Variants in KIF27 observed in about 807,000 individuals in gnomAD.
KIF27 encodes the protein kinesin-like protein KIF27.
In KIF27, 84 loss-of-function variants were observed where a neutral mutation model predicts 141.8. The observed-to-expected ratio is 0.59, with a 90% CI of 0.50 to 0.71. KIF27 has a LOEUF of 0.71. KIF27 is among the 30% of genes least tolerant of loss of function. The pLI, the probability that KIF27 is intolerant of heterozygous loss-of-function variation, is 0.00. For missense variants in KIF27, 1,306 were observed against 1,628.4 expected (o/e 0.80, Z 3.41); for synonymous variants, 471 against 569.5 (o/e 0.83, Z 2.46).
At chr9:83,870,377 G>C (rs1950673883) in intron 12 of KIF27, 142 bp downstream of exon 12, 1 of 1,170,336 alleles carries the variant, frequency 8.5e-7, no homozygotes, top group Admixed American at 2.6e-5. Flanking sequence ...ATGTTGACCA[G>C]GCTGGTCTTG....
At chr9:83,914,458 A>T (rs1955498999) in intron 2 of KIF27, among the ~76,000 whole-genome samples, 2 of 152,120 alleles carry the variant, frequency 1.3e-5, no homozygotes, top group Non-Finnish European at 2.9e-5. Flanking sequence ...CCATGCATTT[A>T]ATGAGAGAAG....
At chr9:83,884,079 A>G (rs1951893684) in intron 9 of KIF27, 61 bp from the exon 10 acceptor site, 1 of 1,217,328 alleles carries the variant, frequency 8.2e-7, no homozygotes, top group Non-Finnish European at 1.1e-6. Context: ...AAACATCCAA[A>G]ACATAAAAAT....
chr9:83,896,104 A>C (rs553855375), intron 5 of KIF27, among the ~76,000 whole-genome samples: 1 of 150,658 alleles, frequency 6.6e-6, no homozygotes, highest in Non-Finnish European at 1.5e-5. Context: ...ATAGCCAGGC[A>C]TGGCAGCGGG....
intron 16 of KIF27, 122 bp from the exon 17 acceptor site, chr9:83,842,523 C>T (rs927357182): frequency 8.7e-6 from 11 of 1,257,524 alleles, no homozygotes; most frequent in African/African-American, 6.3e-5. Flanking sequence ...AGTGCAGTGG[C>T]GTGATATGCT....
At chr9:83,868,566 G>A (rs1306490863) in intron 12 of KIF27, 6 of 152,018 alleles carry the variant, frequency 3.9e-5, no homozygotes, top group East Asian at 1.9e-4. Context: ...AAGGATATGC[G>A]GAAACAAATA....
intron 12 of KIF27, among the ~76,000 whole-genome samples, chr9:83,868,870 T>C (rs1485990493): frequency 3.3e-5 from 5 of 152,198 alleles, no homozygotes; most frequent in Non-Finnish European, 7.4e-5. Flanking sequence ...AGCACTATCA[T>C]GTCCAGATAA....
rs572412840 is a variant in KIF27 at position 83,834,645 on chromosome 9, G to A, written c.*2356C>T. ...CCAGTATCAGAATACATTCTTAAAT[G>A]AATTATTCCTAAATAACGCATAGCA... On this transcript the variant is annotated 3_prime_UTR_variant, in exon 18 of 18. Transcript: ENST00000297814. 3.3e-4 allele frequency among the ~76,000 whole-genome samples: 50 copies of A among 151,632 alleles called. No individual in the cohort carries two copies. Among genetic ancestry groups the A allele is most frequent in the Non-Finnish European group, 4.7e-4 (32 of 67,832 alleles).
chr9:83,885,444 T>C (rs1952016372), intron 9 of KIF27, among the ~76,000 whole-genome samples: 1 of 151,516 alleles, frequency 6.6e-6, no homozygotes, highest in Non-Finnish European at 1.5e-5. Flanking sequence ...ATACTCATCA[T>C]TTTTTTATAA....
At chr9:83,881,532 C>T (rs987739135) in intron 10 of KIF27, among the ~76,000 whole-genome samples, 2 of 152,172 alleles carry the variant, frequency 1.3e-5, no homozygotes, top group African/African-American at 4.8e-5. Flanking sequence ...ACATTGTTGT[C>T]AATTTGCACT....
chr9:83,884,037 T>A lies in KIF27; in HGVS notation c.2240-19A>T, dbSNP rs761473008. ...TCATTACCTTAACCGTAATAATAAT[T>A]ATTATTAGTATAAATTATGTAAAAA... On this transcript the variant is annotated intron_variant, in intron 9 of 17. Transcript: ENST00000297814. The A allele has an allele frequency of 4.1e-6, 6 of 1,456,982 alleles. No homozygotes were observed. Among genetic ancestry groups the A allele is most frequent in the African/African-American group, 2.9e-5 (2 of 69,742 alleles). 90.3% of individuals were successfully genotyped at this position (1,456,982 alleles called of 1,614,324 possible). A position where few individuals can be genotyped will look rare whatever the true frequency, so the allele number is the denominator to read the frequency against.
chr9:83,902,535 TA>T (rs1954029204), intron 4 of KIF27, among the ~76,000 whole-genome samples: 1 of 152,202 alleles, frequency 6.6e-6, no homozygotes, highest in Admixed American at 6.5e-5. Flanking sequence ...CCTTAAACAT[TA>T]ATAAATATGC....
At chr9:83,868,393 G>C (rs1950534358) in intron 12 of KIF27, 1 of 152,052 alleles carries the variant, frequency 6.6e-6, no homozygotes, top group South Asian at 2.1e-4. Context: ...GTGAATAAAT[G>C]AATACACACA....
intron 17 of KIF27, among the ~76,000 whole-genome samples, chr9:83,841,369 C>A (rs566061628): frequency 6.6e-6 from 1 of 152,180 alleles, no homozygotes; most frequent in Non-Finnish European, 1.5e-5. Context: ...CCGCACCTAG[C>A]CAATTCTACT....
At chr9:83,894,297 T>C (rs62563544) in intron 5 of KIF27, among the ~76,000 whole-genome samples, 26,625 of 152,126 alleles carry the variant, frequency 0.18, 2,873 homozygotes, top group Non-Finnish European at 0.24. Context: ...AAGAAAAATA[T>C]AGGACAAACT....
At position 83,889,235 on chromosome 9, in the gene KIF27, T is replaced by C. The variant is rs776485584; in HGVS notation, c.1828A>G (p.Met610Val). 36 of 1,611,554 alleles carry C rather than the reference T, an allele frequency of 2.2e-5. No homozygotes were observed. The highest frequency in any genetic ancestry group is 3.3e-5 in the Admixed American group (2 of 59,802). The change falls in exon 7 of 18, where the codon ATG becomes GTG. Residue 610 changes from methionine (M) to valine (V), a missense_variant. Met to Val is a conservative substitution (Grantham distance 21). Around this residue, in one of 4 missense-constraint regions of KIF27, gnomAD observed 596 missense variants for 751.6 expected, o/e 0.79. Transcript: ENST00000297814. ...DSRKVHTSPP[M>V]YSLDRIFAGF... is the part of the protein sequence containing the mutation. ...GCAAATATTCGATCCAGAGAGTACA[T>C]AGGCGGACTTGTGTGGACCTTGCAA... is the stretch of plus-strand genomic sequence containing the variant.
intron 3 of KIF27, among the ~76,000 whole-genome samples, chr9:83,908,193 T>C (rs1403983417): frequency 2.8e-5 from 4 of 140,390 alleles, no homozygotes; most frequent in Non-Finnish European, 4.5e-5. Flanking sequence ...ACCCAGGAGG[T>C]AGAGGTTGCA....
At chr9:83,899,397 G>T (rs1490436212) in intron 5 of KIF27, among the ~76,000 whole-genome samples, 1 of 152,082 alleles carries the variant, frequency 6.6e-6, no homozygotes, top group Non-Finnish European at 1.5e-5. Context: ...GAAAAGTATG[G>T]AAAAATAACC....
intron 16 of KIF27, among the ~76,000 whole-genome samples, chr9:83,843,483 T>A (rs1946826520): frequency 6.6e-6 from 1 of 152,118 alleles, no homozygotes; most frequent in Non-Finnish European, 1.5e-5. Flanking sequence ...TACTGGTTTG[T>A]GATTTTCTTT....
intron 11 of KIF27, among the ~76,000 whole-genome samples, chr9:83,873,012 T>C (rs1406082908): frequency 6.6e-6 from 1 of 152,136 alleles, no homozygotes; most frequent in Non-Finnish European, 1.5e-5. Flanking sequence ...CTAATGTAGG[T>C]AGTCACTGTG....
Sources: allele counts gnomAD v4.1 joint callset (sites outside exome capture counted in the v4.1 genomes callset), GRCh38; gene constraint gnomAD v4.1.1; regional missense constraint gnomAD v4.1.1; transcripts MANE v1.5; gene names NCBI Gene and HGNC (gene_info 2026-07-23, HGNC 2026-07-21).